Variants in RERE observed in about 807,000 individuals in gnomAD.
RERE encodes arginine-glutamic acid dipeptide repeats, also known as arginine-glutamic acid dipeptide repeats protein.
Under a neutral mutation model 146.1 loss-of-function variants are expected in RERE, and 40 were observed. The ratio of observed to expected loss-of-function variants is 0.27; its 90% confidence interval spans 0.21 to 0.36. The LOEUF is 0.36. RERE is among the 10% of genes least tolerant of loss of function. RERE has a pLI of 1.00. For missense variants in RERE, 1,933 were observed against 2,138.7 expected, an observed-to-expected ratio of 0.90 and a Z score of 1.90; for synonymous variants, 1,003 against 866.0, an observed-to-expected ratio of 1.16 and a Z score of -2.78.
chr1:8,730,429 G>A (rs531123617), intron 1 of RERE, among the ~76,000 whole-genome samples: 111 of 152,060 alleles, frequency 7.3e-4, no homozygotes, highest in African/African-American at 2.4e-3. Flanking sequence ...CGCGAGCTCC[G>A]CCTCCCGGGT....
chr1:8,676,803 G>A (rs929256792), intron 1 of RERE, among the ~76,000 whole-genome samples: 3 of 152,228 alleles, frequency 2.0e-5, no homozygotes, highest in Non-Finnish European at 4.4e-5. Flanking sequence ...GTCTGAGGCA[G>A]TTCTGTGAAT....
chr1:8,689,880 G>C (rs746393049), intron 1 of RERE, among the ~76,000 whole-genome samples: 7 of 151,996 alleles, frequency 4.6e-5, no homozygotes, highest in Non-Finnish European at 8.8e-5. Context: ...CTCATTTTGT[G>C]TAACCTGAGA....
chr1:8,628,304 AC>A (rs1333490637), intron 2 of RERE, among the ~76,000 whole-genome samples: 1 of 152,158 alleles, frequency 6.6e-6, no homozygotes, highest in Non-Finnish European at 1.5e-5. Context: ...AAAAAAAAAA[AC>A]TTTACATACA....
At chr1:8,503,582 T>C (rs1645210409) in intron 8 of RERE, among the ~76,000 whole-genome samples, 1 of 152,158 alleles carries the variant, frequency 6.6e-6, no homozygotes, top group African/African-American at 2.4e-5. Flanking sequence ...TATACTGCTA[T>C]GAGGAGAACA....
chr1:8,773,735 A>C (rs941205599), intron 1 of RERE, among the ~76,000 whole-genome samples: 10 of 152,264 alleles, frequency 6.6e-5, no homozygotes, highest in Admixed American at 5.9e-4. Context: ...GAGGCAGGAG[A>C]ATCGCTTGAA....
At chr1:8,629,914 A>G (rs1320173202) in intron 2 of RERE, among the ~76,000 whole-genome samples, 1 of 152,222 alleles carries the variant, frequency 6.6e-6, no homozygotes, top group East Asian at 1.9e-4. Context: ...GCATGAACAA[A>G]GACTTTCTCA....
At chr1:8,747,299 C>A (rs1220676096) in intron 1 of RERE, among the ~76,000 whole-genome samples, 1 of 152,108 alleles carries the variant, frequency 6.6e-6, no homozygotes, top group African/African-American at 2.4e-5. Flanking sequence ...CCGCGCCCAG[C>A]CCTGACTTAA....
intron 9 of RERE, among the ~76,000 whole-genome samples, chr1:8,496,503 AAAAAAAAG>A (rs1023137623): frequency 2.1e-4 from 31 of 150,128 alleles, no homozygotes; most frequent in African/African-American, 6.1e-4. Context: ...TAACAACCAA[AAAAAAAAG>A]AAAAAAAGAA....
chr1:8,791,860 T>C (rs1307973111), intron 1 of RERE, among the ~76,000 whole-genome samples: 1 of 152,080 alleles, frequency 6.6e-6, no homozygotes, highest in Non-Finnish European at 1.5e-5. Flanking sequence ...AGAAAACTTG[T>C]CAGAAACCAT....
Position 8,352,566 on chromosome 1 carries a change from T to C in RERE, c.*2521A>G, listed in dbSNP as rs1040457843. On this transcript the variant is annotated 3_prime_UTR_variant, in exon 23 of 23. Coordinates refer to ENST00000400908, the MANE Select transcript of RERE (RefSeq NM_001042681.2). ...TATATACATTTAGCTTCAAGATATA[T>C]AGAAACGTAGCAAATCCGAGTGTGC... The C allele has an allele frequency of 3.3e-5, 5 of 152,428 alleles. No homozygotes were observed. The highest frequency in any genetic ancestry group is 4.8e-5 in the African/African-American group (2 of 41,458). The allele number at this position is 152,428 out of a possible 1,614,324, so 9.4% of individuals were successfully genotyped here.
chr1:8,529,138 G>C (rs1213421498), intron 7 of RERE, among the ~76,000 whole-genome samples: 1 of 152,126 alleles, frequency 6.6e-6, no homozygotes, highest in Non-Finnish European at 1.5e-5. Context: ...CTGGTGAATT[G>C]AGTAAAAGAT....
chr1:8,710,099 A>C (rs188835847), intron 1 of RERE, among the ~76,000 whole-genome samples: 1 of 152,264 alleles, frequency 6.6e-6, no homozygotes, highest in East Asian at 1.9e-4. Context: ...TCCACTCTCA[A>C]GCTGTTTCTG....
chr1:8,435,565 C>A (rs925594854), intron 11 of RERE, among the ~76,000 whole-genome samples: 2 of 152,210 alleles, frequency 1.3e-5, no homozygotes, highest in Non-Finnish European at 2.9e-5. Flanking sequence ...GGAACTACAC[C>A]ATCCCCTCCG....
intron 12 of RERE, among the ~76,000 whole-genome samples, chr1:8,366,662 C>G (rs1253122471): frequency 1.3e-5 from 2 of 152,176 alleles, no homozygotes; most frequent in Non-Finnish European, 2.9e-5. Flanking sequence ...TACAAGAGGA[C>G]AGACACACAG....
At chr1:8,667,775 A>G (rs1335559071) in intron 1 of RERE, among the ~76,000 whole-genome samples, 2 of 152,258 alleles carry the variant, frequency 1.3e-5, no homozygotes, top group East Asian at 1.9e-4. Flanking sequence ...AATTATATAC[A>G]GTTAGCTTGT....
At chr1:8,804,753 CA>C (rs34648228) in intron 1 of RERE, among the ~76,000 whole-genome samples, 78,976 of 151,824 alleles carry the variant, frequency 0.52, 21,437 homozygotes, top group East Asian at 0.83. Context: ...CCACCTCTGA[CA>C]AAAAGGAAAG....
Position 8,462,339 on chromosome 1 carries a change from G to A in RERE, c.1203+3586C>T, listed in dbSNP as rs144928027. On this transcript the variant is annotated intron_variant, in intron 11 of 22. Transcript: ENST00000400908. ...GGACAATCAACTCAGAAATAAGACC[G>A]CAAGGAATGAAGAGCTGGGGATCAG... 2.5e-4 allele frequency among the ~76,000 whole-genome samples: 38 copies of A among 152,312 alleles called. 1 individual carries two copies. In the East Asian group the frequency reaches 7.3e-3, roughly 29 times the overall value.
rs185915219 is a variant in RERE at position 8,414,269 on chromosome 1, G to A, written c.1284+8458C>T. Among the ~76,000 whole-genome samples the A allele has an allele frequency of 3.6e-3, 551 of 152,068 alleles. 4 individuals are homozygous for A. The highest frequency in any genetic ancestry group is 0.011 in the African/African-American group (449 of 41,484). On this transcript the variant is annotated intron_variant, in intron 12 of 22. Coordinates refer to ENST00000400908, the MANE Select transcript of RERE (RefSeq NM_001042681.2). ...AGTTTAGATATTTCAATAGTCGGCC[G>A]GGCGTGGTGGCTCACACCTGTAATC...
intron 11 of RERE, among the ~76,000 whole-genome samples, chr1:8,435,941 T>C (rs988399860): frequency 6.6e-6 from 1 of 152,262 alleles, no homozygotes; most frequent in Non-Finnish European, 1.5e-5. Context: ...ACTGGCTAGT[T>C]AAGCAGCAGC....
Sources: allele counts gnomAD v4.1 joint callset (sites outside exome capture counted in the v4.1 genomes callset), GRCh38; gene constraint gnomAD v4.1.1; transcripts MANE v1.5; gene names NCBI Gene and HGNC (gene_info 2026-07-23, HGNC 2026-07-21).